Variants in TESPA1 observed in about 807,000 individuals in gnomAD.
TESPA1 encodes thymocyte expressed, positive selection associated 1.
A neutral mutation model predicts 57.9 loss-of-function variants in TESPA1; 33 were observed. The ratio of observed to expected loss-of-function variants is 0.57; its 90% CI spans 0.43 to 0.76. The LOEUF (loss-of-function observed/expected upper bound fraction) is 0.76, where lower values mean the gene tolerates loss of function less well. TESPA1 is among the 30% of genes least tolerant of loss of function. The probability of loss-of-function intolerance (pLI) is 0.00; values close to 1 mark genes in which losing one functional copy is unlikely to be tolerated. For synonymous variants in TESPA1, 227 were observed against 228.9 expected, an observed-to-expected ratio of 0.99 and a Z score of 0.07; for missense variants, 618 against 632.9, an observed-to-expected ratio of 0.98 and a Z score of 0.25.
intron 1 of TESPA1, among the ~76,000 whole-genome samples, chr12:54,980,537 G>T (rs552997282): frequency 6.6e-6 from 1 of 152,200 alleles, no homozygotes; most frequent in African/African-American, 2.4e-5. Context: ...GTGGGGCCCC[G>T]CCCGGTACAT....
At position 54,973,367 on chromosome 12, in the gene TESPA1, T is replaced by C. The variant is rs867782409; in HGVS notation, c.206+110A>G. ...CACCATCTCAACCTTACTTCTAATC[T>C]TTAGGCCCAAATCAAATCCATCTTC... is the stretch of plus-strand genomic sequence containing the variant. On this transcript the variant is annotated intron_variant, in intron 3 of 10. Transcript: ENST00000449076. 6.3e-5 allele frequency: 95 copies of C among 1,510,084 alleles called. 1 individual carries two copies. The African/African-American group carries it at 1.1e-3, about 17-fold the overall frequency. 93.5% of individuals were successfully genotyped at this position (1,510,084 alleles called of 1,614,324 possible). A position where few individuals can be genotyped will look rare whatever the true frequency, so the allele number is the denominator to read the frequency against.
At chr12:54,962,377 A>G in intron 9 of TESPA1, 54 bp downstream of exon 9, 1 of 1,565,806 alleles carries the variant, frequency 6.4e-7, no homozygotes, top group Non-Finnish European at 8.7e-7. Flanking sequence ...ATCTTCTGGG[A>G]AAGAATCTAC....
rs142288667 is a variant in TESPA1, at chr12:54,960,225, C to T, written c.*1+943G>A. ...TATGCCATTTTCTTTGTGGTTGTAG[C>T]AGATAGGTGGTTAAAACTACAGAAA... On this transcript the variant is annotated intron_variant, in intron 10 of 10. Coordinates refer to ENST00000449076, the MANE Select transcript of TESPA1 (RefSeq NM_001136030.3). 3.9e-3 allele frequency among the ~76,000 whole-genome samples: 592 copies of T among 152,200 alleles called. 1 individual carries two copies. The highest frequency in any genetic ancestry group is 0.027 in the East Asian group (141 of 5,184).
intron 1 of TESPA1, among the ~76,000 whole-genome samples, chr12:54,981,517 A>C (rs568348044): frequency 6.6e-6 from 1 of 152,098 alleles, no homozygotes; most frequent in African/African-American, 2.4e-5. Context: ...ACATGTATAC[A>C]TATGTAACAA....
chr12:54,971,026 GC>G (rs1317526050), intron 3 of TESPA1, among the ~76,000 whole-genome samples: 1 of 152,224 alleles, frequency 6.6e-6, no homozygotes, highest in African/African-American at 2.4e-5. Flanking sequence ...GCAAAGACAT[GC>G]ATGATCAGAT....
At chr12:54,964,620 G>A (rs1414256341) in intron 7 of TESPA1, among the ~76,000 whole-genome samples, 4 of 152,236 alleles carry the variant, frequency 2.6e-5, no homozygotes, top group African/African-American at 4.8e-5. Flanking sequence ...TTCAGACAGT[G>A]AGGCTAAGGG....
At chr12:54,960,733 C>T (rs1269760149) in intron 10 of TESPA1, among the ~76,000 whole-genome samples, 3 of 152,296 alleles carry the variant, frequency 2.0e-5, no homozygotes, top group Admixed American at 6.5e-5. Flanking sequence ...TGCTGATGCT[C>T]CTTGTATCTG....
In TESPA1 at chr12:54,967,863, G is replaced by C. The variant is rs568457749; in HGVS notation, c.236C>G (p.Ala79Gly). Reference protein sequence around the residue: ...GYSEEGFSEEAGQFIYNGFCS... With the variant: ...GYSEEGFSEEGGQFIYNGFCS... ...CTCACCATTGTAGATAAACTGTCCT[G>C]CTTCCTCAGAAAATCCTTCTTCAGA... The change falls in exon 4 of 11, where the codon GCA becomes GGA. Residue 79 changes from alanine to glycine, a missense_variant. By Grantham distance (60) the Ala-to-Gly change is moderately conservative. Around this residue, in one of 3 missense-constraint regions of TESPA1, gnomAD observed 199 missense variants for 184.0 expected, o/e 1.08. Transcript: ENST00000449076. The C allele has an allele frequency of 3.0e-5, 48 of 1,613,692 alleles. No individual in the cohort carries two copies. The South Asian group carries it at 4.1e-4, about 14-fold the overall frequency.
At chr12:54,983,793 C>T (rs1952405661) in intron 1 of TESPA1, among the ~76,000 whole-genome samples, 2 of 152,116 alleles carry the variant, frequency 1.3e-5, no homozygotes, top group Non-Finnish European at 2.9e-5. Context: ...CCATCTACCC[C>T]AAAACTCATG....
At chr12:54,962,347 C>G (rs1186517891) in intron 9 of TESPA1, 84 bp downstream of exon 9, 17 of 1,447,504 alleles carry the variant, frequency 1.2e-5, no homozygotes, top group Non-Finnish European at 1.5e-5. Flanking sequence ...TTATTTTTCC[C>G]CCAAGGGTTC....
At chr12:54,976,245 T>G (rs1952130828) in intron 1 of TESPA1, among the ~76,000 whole-genome samples, 1 of 152,210 alleles carries the variant, frequency 6.6e-6, no homozygotes, top group South Asian at 2.1e-4. Flanking sequence ...TTTCAGAGCA[T>G]TTAATGCAAC....
Position 54,950,305 on chromosome 12 carries a change from T to G in TESPA1, c.*87A>C, listed in dbSNP as rs1950300597. 4.4e-6 allele frequency: 2 copies of G among 456,966 alleles called. No individual in the cohort carries two copies. Among genetic ancestry groups the G allele is most frequent in the Non-Finnish European group, 8.8e-6 (2 of 226,968 alleles). The allele number at this position is 456,966 out of a possible 1,614,324, so 28.3% of individuals were successfully genotyped here. On this transcript the variant is annotated 3_prime_UTR_variant, in exon 11 of 11. Coordinates refer to ENST00000449076, the MANE Select transcript of TESPA1 (RefSeq NM_001136030.3). ...AGTAGGGGCTGGATGTTGAGGGCAGTGCAGTTTCCTGCAAGAGGTGGCTTT... is the reference window on the plus strand; with the variant it reads ...AGTAGGGGCTGGATGTTGAGGGCAGGGCAGTTTCCTGCAAGAGGTGGCTTT...
intron 9 of TESPA1, 105 bp from the exon 10 acceptor site, chr12:54,961,372 G>A: frequency 8.3e-7 from 1 of 1,210,180 alleles, no homozygotes; most frequent in Non-Finnish European, 1.2e-6. Context: ...GAGTGTACTT[G>A]AGAGACAGCC....
chr12:54,956,403 C>CA (rs1220538677), intron 10 of TESPA1, among the ~76,000 whole-genome samples: 3 of 151,974 alleles, frequency 2.0e-5, no homozygotes, highest in South Asian at 4.2e-4. Flanking sequence ...AAAAGAACGA[C>CA]AAAAAAATAA....
intron 10 of TESPA1, among the ~76,000 whole-genome samples, chr12:54,955,787 GT>G (rs1226904717): frequency 6.6e-6 from 1 of 152,092 alleles, no homozygotes; most frequent in African/African-American, 2.4e-5. Context: ...AGGAGATTTT[GT>G]TTTTAATTAT....
chr12:54,959,984 G>A (rs571057011), intron 10 of TESPA1, among the ~76,000 whole-genome samples: 2 of 152,296 alleles, frequency 1.3e-5, no homozygotes, highest in East Asian at 3.8e-4. Flanking sequence ...AAACCACAGA[G>A]AATTAGAATT....
chr12:54,958,042 A>C (rs1464251481), intron 10 of TESPA1, among the ~76,000 whole-genome samples: 1 of 152,228 alleles, frequency 6.6e-6, no homozygotes, highest in Non-Finnish European at 1.5e-5. Flanking sequence ...CTTGAAATGT[A>C]TGACTCCTAG....
At position 54,973,415 on chromosome 12, in the gene TESPA1, T is replaced by C. The variant is rs376810562; in HGVS notation, c.206+62A>G. 2.5e-4 allele frequency: 395 copies of C among 1,609,180 alleles called. 6 individuals carry two copies. In the East Asian group the frequency reaches 7.7e-3, roughly 31 times the overall value. ...TTCCCGTCTCTGAGTTTCCAGGAGT[T>C]GTGTCTGTTAGCAAATTCAACCATC... On this transcript the variant is annotated intron_variant, in intron 3 of 10. Coordinates refer to ENST00000449076, the MANE Select transcript of TESPA1 (RefSeq NM_001136030.3).
intron 8 of TESPA1, 34 bp from the exon 9 acceptor site, chr12:54,963,276 G>T: frequency 1.3e-6 from 2 of 1,562,908 alleles, no homozygotes; most frequent in Non-Finnish European, 1.7e-6. Context: ...TAAGTCTGGG[G>T]TTCATCAGCA....
Sources: allele counts gnomAD v4.1 joint callset (sites outside exome capture counted in the v4.1 genomes callset), GRCh38; gene constraint gnomAD v4.1.1; regional missense constraint gnomAD v4.1.1; transcripts MANE v1.5; gene names NCBI Gene and HGNC (gene_info 2026-07-23, HGNC 2026-07-21).